Variants in ERBB4 observed in about 807,000 individuals in gnomAD.
The protein encoded by ERBB4 is erb-b2 receptor tyrosine kinase 4, also known as receptor tyrosine-protein kinase erbB-4.
A neutral mutation model predicts 158.0 loss-of-function variants in ERBB4; 42 were observed. The observed-to-expected ratio is 0.27, with a 90% CI of 0.21 to 0.34. The LOEUF is 0.34. Ranked by LOEUF, ERBB4 falls within the 10% of genes least tolerant of loss-of-function variation. The probability of loss-of-function intolerance (pLI) is 1.00; values close to 1 mark genes in which losing one functional copy is unlikely to be tolerated. For synonymous variants in ERBB4, 583 were observed against 558.7 expected (o/e 1.04, Z -0.61); for missense variants, 1,333 against 1,624.1 (o/e 0.82, Z 3.08).
chr2:211,813,027 C>T (rs958076137), intron 3 of ERBB4, among the ~76,000 whole-genome samples: 2 of 152,192 alleles, frequency 1.3e-5, no homozygotes, highest in Non-Finnish European at 2.9e-5. Flanking sequence ...CGCCCTGTTC[C>T]AGCTCGCCCT....
At chr2:211,777,305 T>G (rs2075904959) in intron 4 of ERBB4, 1 of 152,138 alleles carries the variant, frequency 6.6e-6, no homozygotes, top group Admixed American at 6.6e-5. Context: ...ATTCTATCCA[T>G]TATAGTGGGT....
intron 2 of ERBB4, among the ~76,000 whole-genome samples, chr2:212,045,144 T>C (rs376413791): frequency 1.6e-4 from 25 of 152,356 alleles, no homozygotes; most frequent in South Asian, 4.1e-4. Flanking sequence ...TCCCTTGGTA[T>C]GGCAATTAAA....
At chr2:212,530,167 G>A (rs1692673553) in intron 1 of ERBB4, among the ~76,000 whole-genome samples, 2 of 146,528 alleles carry the variant, frequency 1.4e-5, no homozygotes, top group African/African-American at 2.6e-5. Context: ...TACCCATAAA[G>A]AGGATCTTGC....
chr2:212,347,450 G>C (rs2089059720), intron 1 of ERBB4, among the ~76,000 whole-genome samples: 2 of 152,110 alleles, frequency 1.3e-5, no homozygotes, highest in African/African-American at 4.8e-5. Context: ...CTGAGGAAAT[G>C]ACAGATATTG....
chr2:211,775,629 T>C (rs1171942792), intron 4 of ERBB4, among the ~76,000 whole-genome samples: 4 of 152,208 alleles, frequency 2.6e-5, no homozygotes, highest in Non-Finnish European at 5.9e-5. Flanking sequence ...TACCATGTTA[T>C]AACTTATCTC....
At chr2:212,180,882 C>T (rs1179241348) in intron 1 of ERBB4, among the ~76,000 whole-genome samples, 1 of 151,608 alleles carries the variant, frequency 6.6e-6, no homozygotes, top group Non-Finnish European at 1.5e-5. Context: ...AATAATCATG[C>T]CCTCTATAGT....
At chr2:211,750,269 T>C (rs1279931728) in intron 5 of ERBB4, among the ~76,000 whole-genome samples, 1 of 152,254 alleles carries the variant, frequency 6.6e-6, no homozygotes, top group Middle Eastern at 3.4e-3. Context: ...TTGTAATGAA[T>C]GAATAGTGAA....
chr2:212,531,334 A>G (rs1036300147), intron 1 of ERBB4, among the ~76,000 whole-genome samples: 1 of 152,202 alleles, frequency 6.6e-6, no homozygotes, highest in Non-Finnish European at 1.5e-5. Context: ...TGCAGTCAAA[A>G]GGCCCAGAGG....
chr2:211,747,316 CTACTT>C (rs2075005419), intron 5 of ERBB4, among the ~76,000 whole-genome samples: 1 of 152,280 alleles, frequency 6.6e-6, no homozygotes, highest in East Asian at 1.9e-4. Context: ...TCTCTGGTCT[CTACTT>C]TACCAGTGCC....
chr2:211,883,196 G>T (rs201630705), intron 3 of ERBB4, among the ~76,000 whole-genome samples: 1 of 151,960 alleles, frequency 6.6e-6, no homozygotes, highest in African/African-American at 2.4e-5. Context: ...CTATCGCAAG[G>T]ACAAAAAACC....
intron 1 of ERBB4, among the ~76,000 whole-genome samples, chr2:212,281,350 T>C (rs1378551504): frequency 6.6e-6 from 1 of 151,714 alleles, no homozygotes. Flanking sequence ...AAGTGTGCAA[T>C]AGGTAAAAAG....
chr2:212,005,055 G>T (rs62183381), intron 2 of ERBB4, among the ~76,000 whole-genome samples: 16,770 of 151,886 alleles, frequency 0.11, 1,471 homozygotes, highest in East Asian at 0.31. Flanking sequence ...AACTTTAAAA[G>T]GTATACATCA....
intron 1 of ERBB4, among the ~76,000 whole-genome samples, chr2:212,290,856 GA>G (rs1156381177): frequency 6.6e-6 from 1 of 150,520 alleles, no homozygotes; most frequent in Non-Finnish European, 1.5e-5. Context: ...AATCAAAGGA[GA>G]AAAAAAAATG....
intron 2 of ERBB4, among the ~76,000 whole-genome samples, chr2:212,114,472 T>A (rs192459468): frequency 3.3e-5 from 5 of 152,332 alleles, no homozygotes; most frequent in Admixed American, 2.6e-4. Context: ...AGCTTATTGG[T>A]AGGGACCAAA....
chr2:211,556,809 T>C (rs11894975), intron 20 of ERBB4, among the ~76,000 whole-genome samples: 47,911 of 152,010 alleles, frequency 0.32, 10,022 homozygotes, highest in African/African-American at 0.6. Context: ...CCAAAGCAAT[T>C]CTAAGCAAAA....
At chr2:211,594,997 A>G (rs2125800749) in intron 19 of ERBB4, among the ~76,000 whole-genome samples, 2 of 152,310 alleles carry the variant, frequency 1.3e-5, no homozygotes, top group South Asian at 4.1e-4. Context: ...GCATTCTCTC[A>G]TATTACCTTC....
At chr2:211,484,391 A>T (rs1192779868) in intron 20 of ERBB4, among the ~76,000 whole-genome samples, 2 of 152,218 alleles carry the variant, frequency 1.3e-5, no homozygotes, top group East Asian at 3.8e-4. Context: ...GATCACATTA[A>T]ATGGTCTAAA....
intron 1 of ERBB4, among the ~76,000 whole-genome samples, chr2:212,347,100 G>A (rs2089040847): frequency 1.3e-5 from 2 of 152,176 alleles, no homozygotes; most frequent in East Asian, 3.9e-4. Flanking sequence ...TACAGTGTTG[G>A]GAAAAATGCT....
At chr2:212,288,415 A>C (rs898152040) in intron 1 of ERBB4, among the ~76,000 whole-genome samples, 3 of 152,068 alleles carry the variant, frequency 2.0e-5, no homozygotes, top group Non-Finnish European at 2.9e-5. Context: ...TGTCACTACT[A>C]CTGAGACAGC....
Sources: allele counts gnomAD v4.1 joint callset (sites outside exome capture counted in the v4.1 genomes callset), GRCh38; gene constraint gnomAD v4.1.1; transcripts MANE v1.5; gene names NCBI Gene and HGNC (gene_info 2026-07-23, HGNC 2026-07-21).